The following EPB41L5 variants were observed in gnomAD, a reference collection of about 807,000 sequenced individuals.
The protein encoded by EPB41L5 is erythrocyte membrane protein band 4.1 like 5.
EPB41L5 carries 55 observed loss-of-function variants against 106.6 expected under a neutral mutation model. The ratio of observed to expected loss-of-function variants is 0.52; its 90% confidence interval spans 0.42 to 0.65. The LOEUF (loss-of-function observed/expected upper bound fraction) is 0.65, where lower values mean the gene tolerates loss of function less well. Among genes scored for constraint, EPB41L5 ranks in the 30% least tolerant of loss-of-function variants. The pLI is 0.00. For synonymous variants in EPB41L5, 297 were observed against 306.7 expected, an observed-to-expected ratio of 0.97 and a Z score of 0.33; for missense variants, 871 against 882.1, an observed-to-expected ratio of 0.99 and a Z score of 0.16.
chr2:120,058,535 A>T (rs1680815359), intron 3 of EPB41L5, among the ~76,000 whole-genome samples: 1 of 152,188 alleles, frequency 6.6e-6, no homozygotes, highest in African/African-American at 2.4e-5. Context: ...ATGATAAATC[A>T]TAGCTGATAT....
intron 3 of EPB41L5, among the ~76,000 whole-genome samples, chr2:120,047,889 A>G (rs1286557758): frequency 6.6e-6 from 1 of 152,220 alleles, no homozygotes; most frequent in Non-Finnish European, 1.5e-5. Context: ...GAATTTTATC[A>G]AAGGCCTTTT....
At chr2:120,022,100 T>C (rs1677973163) in intron 2 of EPB41L5, among the ~76,000 whole-genome samples, 1 of 152,254 alleles carries the variant, frequency 6.6e-6, no homozygotes, top group Non-Finnish European at 1.5e-5. Flanking sequence ...GAGCTTAGTA[T>C]TGGTAAATAG....
At chr2:120,069,103 G>A (rs1681667677) in intron 3 of EPB41L5, among the ~76,000 whole-genome samples, 1 of 125,740 alleles carries the variant, frequency 8.0e-6, no homozygotes, top group Non-Finnish European at 1.6e-5. Context: ...ACTCCAGCCT[G>A]GGCAACAAGA....
Position 120,068,179 on chromosome 2 carries a change from C to T in EPB41L5, c.286-4999C>T, listed in dbSNP as rs576452021. On this transcript the variant is annotated intron_variant, in intron 3 of 24. Transcript: ENST00000263713. ...GCCTCATCCGGGAAGCACAAGGGGT[C>T]GGGGAACTCCCTCCCCTAGCCAAGA... is the stretch of plus-strand genomic sequence containing the variant. 4.7e-4 allele frequency among the ~76,000 whole-genome samples: 72 copies of T among 152,256 alleles called. 1 individual carries two copies. Among genetic ancestry groups the T allele is most frequent in the African/African-American group, 1.6e-3 (66 of 41,552 alleles).
intron 2 of EPB41L5, 46 bp from the exon 3 acceptor site, chr2:120,041,960 A>G: frequency 7.0e-7 from 1 of 1,426,190 alleles, no homozygotes; most frequent in Non-Finnish European, 9.8e-7. Context: ...AGGCTTGTTG[A>G]TCTTATAAAC....
chr2:120,144,775 CA>C (rs1441180512), intron 19 of EPB41L5, among the ~76,000 whole-genome samples: 2 of 152,094 alleles, frequency 1.3e-5, no homozygotes. Context: ...AAGTTCTTAA[CA>C]AAATATATTC....
chr2:120,038,605 A>T (rs530853304), intron 2 of EPB41L5, among the ~76,000 whole-genome samples: 68 of 152,164 alleles, frequency 4.5e-4, no homozygotes, highest in African/African-American at 1.6e-3. Flanking sequence ...AAAAATACAA[A>T]AATTAGCCTG....
At chr2:120,063,662 C>T (rs976345198) in intron 3 of EPB41L5, among the ~76,000 whole-genome samples, 1 of 151,672 alleles carries the variant, frequency 6.6e-6, no homozygotes, top group Non-Finnish European at 1.5e-5. Flanking sequence ...AAAAAAATTC[C>T]TGGCCGGGTG....
rs1371139075 is a variant in EPB41L5, at chr2:120,175,095, T to C, written c.*188T>C. 2 of 607,738 alleles carry C rather than the reference T, an allele frequency of 3.3e-6. No homozygotes were observed. Among genetic ancestry groups the C allele is most frequent in the Non-Finnish European group, 6.0e-6 (2 of 335,712 alleles). The allele number at this position is 607,738 out of a possible 1,614,324, so 37.6% of individuals were successfully genotyped here. On this transcript the variant is annotated 3_prime_UTR_variant, in exon 25 of 25. Transcript: ENST00000263713. ...ACTGGAATTGTTGAATCACACTGCA[T>C]AGCTGCCCAAAAGAGAGTGTTTGGT... is the stretch of plus-strand genomic sequence containing the variant.
chr2:120,086,217 A>G (rs966358344), intron 10 of EPB41L5, among the ~76,000 whole-genome samples: 1 of 152,090 alleles, frequency 6.6e-6, no homozygotes. Context: ...TTTTCCTGCT[A>G]TTATTTCTTC....
intron 20 of EPB41L5, among the ~76,000 whole-genome samples, chr2:120,148,281 C>A (rs932110805): frequency 6.6e-6 from 1 of 152,022 alleles, no homozygotes; most frequent in Admixed American, 6.6e-5. Flanking sequence ...TGAGAATGTT[C>A]TAGAAACACC....
chr2:120,084,398 G>T (rs1377061561), intron 10 of EPB41L5, among the ~76,000 whole-genome samples: 1 of 152,166 alleles, frequency 6.6e-6, no homozygotes, highest in Non-Finnish European at 1.5e-5. Context: ...TAGTTTGGTT[G>T]GATGTGAAAT....
At chr2:120,046,342 G>A (rs568776200) in intron 3 of EPB41L5, among the ~76,000 whole-genome samples, 80 of 151,950 alleles carry the variant, frequency 5.3e-4, no homozygotes, top group Middle Eastern at 3.2e-3. Flanking sequence ...TTTTAATGAC[G>A]GTCATTCTAA....
In EPB41L5 at chr2:120,014,840, A is replaced by G. The variant is rs1012931568; in HGVS notation, c.-9+1630A>G. On this transcript the variant is annotated intron_variant, in intron 1 of 24. Coordinates refer to ENST00000263713, the MANE Select transcript of EPB41L5 (RefSeq NM_020909.4). ...AGGAGCTGCATCTAGGACCAGGGCC[A>G]TTAAAGATTTTAGAACAGGGATCAG... Among the ~76,000 whole-genome samples the G allele has an allele frequency of 7.9e-5, 12 of 152,232 alleles. 1 individual carries two copies. The highest frequency in any genetic ancestry group is 4.1e-4 in the South Asian group (2 of 4,826).
chr2:120,125,190 A>G (rs1685402367), intron 16 of EPB41L5, among the ~76,000 whole-genome samples: 1 of 152,210 alleles, frequency 6.6e-6, no homozygotes, highest in Non-Finnish European at 1.5e-5. Context: ...ATTTATTGTC[A>G]GCATAGACTC....
chr2:120,130,628 G>A (rs4849826), intron 17 of EPB41L5, among the ~76,000 whole-genome samples: 87,158 of 152,084 alleles, frequency 0.57, 26,953 homozygotes, highest in Middle Eastern at 0.68. Context: ...TGAATTACTG[G>A]TGCTCAGCTT....
At chr2:120,065,382 A>T (rs1487503184) in intron 3 of EPB41L5, among the ~76,000 whole-genome samples, 2 of 152,100 alleles carry the variant, frequency 1.3e-5, no homozygotes, top group Non-Finnish European at 2.9e-5. Flanking sequence ...TAGCCTCCTG[A>T]GTAGCTATGA....
chr2:120,038,746 T>C (rs553494897), intron 2 of EPB41L5, among the ~76,000 whole-genome samples: 15 of 152,310 alleles, frequency 9.8e-5, no homozygotes, highest in African/African-American at 3.6e-4. Context: ...AGAGTGAGAC[T>C]GTATCTCAGA....
chr2:120,077,058 AACTGGCT>A lies in EPB41L5; in HGVS notation c.595_601del (p.Leu199PhefsTer21). 6.2e-7 allele frequency: 1 copy of A among 1,613,172 alleles called. No homozygotes were observed. Among genetic ancestry groups the A allele is most frequent in the Non-Finnish European group, 8.5e-7 (1 of 1,179,466 alleles). On this transcript the variant is annotated frameshift_variant, in exon 8 of 25. Coordinates refer to ENST00000263713, the MANE Select transcript of EPB41L5 (RefSeq NM_020909.4). LOFTEE classifies it high-confidence loss of function. Reference sequence around the variant, plus strand: ...GTGCCTATTCAGACTGAAGAGATGGAACTGGCTATTTTTGAGAAATGGAAGGAATACA... The same window carrying A: ...GTGCCTATTCAGACTGAAGAGATGGAATTTTTGAGAAATGGAAGGAATACA...
Sources: gnomAD v4.1 joint callset for allele counts (sites outside exome capture counted in the v4.1 genomes callset) on GRCh38, gnomAD v4.1.1 for gene constraint, MANE v1.5 for transcripts, NCBI Gene and HGNC (gene_info 2026-07-23, HGNC 2026-07-21) for gene names.